The following NFYB variants were observed in gnomAD, a reference collection of about 807,000 sequenced individuals.
NFYB encodes nuclear transcription factor Y subunit beta.
In NFYB, 13 loss-of-function variants were observed where a neutral mutation model predicts 28.0. The ratio of observed to expected loss-of-function variants is 0.46; its 90% confidence interval spans 0.30 to 0.74. NFYB has a LOEUF of 0.74. Among genes scored for constraint, NFYB ranks in the 30% least tolerant of loss-of-function variants. The pLI is 0.07. For synonymous variants in NFYB, 74 were observed against 75.0 expected (o/e 0.99, Z 0.07); for missense variants, 142 against 247.6 (o/e 0.57, Z 2.86).
At chr12:104,125,713 T>C (rs891353801) in intron 4 of NFYB, among the ~76,000 whole-genome samples, 1 of 150,540 alleles carries the variant, frequency 6.6e-6, no homozygotes, top group Admixed American at 6.6e-5. Context: ...CTGGGCATGG[T>C]GGTGCACGCC....
rs554107926 is a variant in NFYB at position 104,117,204 on chromosome 12, G to C, written c.*2533C>G. 6.6e-6 allele frequency: 1 copy of C among 152,248 alleles called. No homozygotes were observed. The highest frequency in any genetic ancestry group is 2.1e-4 in the South Asian group (1 of 4,822). The allele number at this position is 152,248 out of a possible 1,614,324, so 9.4% of individuals were successfully genotyped here. ...TGGGCCAAGGAAGACAGAGACCCCA[G>C]CTCTGACAAGCATAAATTAGGATAT... On this transcript the variant is annotated 3_prime_UTR_variant, in exon 8 of 8. Transcript: ENST00000240055.
chr12:104,118,047 G>A lies in NFYB; in HGVS notation c.*1690C>T, dbSNP rs2030327508. The A allele has an allele frequency of 6.6e-6, 1 of 152,116 alleles. No homozygotes were observed. Among genetic ancestry groups the A allele is most frequent in the East Asian group, 1.9e-4 (1 of 5,198 alleles). 9.4% of individuals were successfully genotyped at this position (152,116 alleles called of 1,614,324 possible). ...AAATGAATTATGATTGAGTCATACA[G>A]CAGAATAATAAACCAATAAAAATGA... On this transcript the variant is annotated 3_prime_UTR_variant, in exon 8 of 8. Coordinates refer to ENST00000240055, the MANE Select transcript of NFYB (RefSeq NM_006166.4).
At chr12:104,133,486 G>A (rs370445366) in intron 2 of NFYB, among the ~76,000 whole-genome samples, 9 of 152,304 alleles carry the variant, frequency 5.9e-5, no homozygotes, top group Middle Eastern at 3.4e-3. Flanking sequence ...GACCGATTTC[G>A]TGGGTTTGAA....
rs1352673948 is a variant in NFYB at position 104,117,403 on chromosome 12, A to C, written c.*2334T>G. 1.3e-5 allele frequency: 2 copies of C among 152,158 alleles called. No individual in the cohort carries two copies. The highest frequency in any genetic ancestry group is 2.4e-5 in the African/African-American group (1 of 41,438). The allele number at this position is 152,158 out of a possible 1,614,324, so 9.4% of individuals were successfully genotyped here. On this transcript the variant is annotated 3_prime_UTR_variant, in exon 8 of 8. Coordinates refer to ENST00000240055, the MANE Select transcript of NFYB (RefSeq NM_006166.4). ...TTGTTGTAGTATATACTAATTTAAA[A>C]TTTACTCAAATTCCTGTTTGTTTGA...
At chr12:104,121,530 G>C (rs2030475687) in intron 5 of NFYB, among the ~76,000 whole-genome samples, 1 of 152,144 alleles carries the variant, frequency 6.6e-6, no homozygotes, top group African/African-American at 2.4e-5. Context: ...GACAGAGTTA[G>C]TAATGACCTA....
rs778593320 is a variant in NFYB, at chr12:104,126,088, CT to C, written c.231+25del. ...AGTTTCGTGTTTCCCTTGAAAAAAC[CT>C]AGTTAAATTTCTCCTCTACGTTACC... On this transcript the variant is annotated intron_variant, in intron 4 of 7. Coordinates refer to ENST00000240055, the MANE Select transcript of NFYB (RefSeq NM_006166.4). 1.5e-5 allele frequency: 23 copies of C among 1,546,746 alleles called. No individual in the cohort carries two copies. In the Admixed American group the frequency reaches 2.3e-4, roughly 16 times the overall value.
In NFYB at chr12:104,123,302, A is replaced by G; in HGVS notation, c.353T>C (p.Ile118Thr). Residue 118 changes from isoleucine to threonine, a missense_variant, in exon 5 of 8, where the codon ATT (isoleucine) becomes ACT (threonine). Physicochemically the swap from Ile to Thr is moderately conservative, Grantham distance 89. Transcript: ENST00000240055. ...EKRKTINGEDILFAMSTLGFD... is the reference protein window; with the variant it reads ...EKRKTINGEDTLFAMSTLGFD... ...GCCTAAAGTAGACATAGCAAAGAGA[A>G]TATCTTCTCCATTGATTGTTTTCCG... The G allele has an allele frequency of 2.5e-6, 4 of 1,614,134 alleles. No individual in the cohort carries two copies. Among genetic ancestry groups the G allele is most frequent in the Non-Finnish European group, 3.4e-6 (4 of 1,179,998 alleles).
intron 5 of NFYB, 67 bp downstream of exon 5, chr12:104,123,159 G>A (rs2030544498): frequency 1.6e-6 from 2 of 1,239,944 alleles, no homozygotes; most frequent in African/African-American, 1.5e-5. Context: ...CTGGGCAACA[G>A]AGCGATACTC....
Position 104,118,889 on chromosome 12 carries a change from C to T in NFYB, c.*848G>A, listed in dbSNP as rs2030361486. 6.6e-6 allele frequency: 1 copy of T among 152,074 alleles called. No individual in the cohort carries two copies. The highest frequency in any genetic ancestry group is 2.4e-5 in the African/African-American group (1 of 41,394). 9.4% of individuals were successfully genotyped at this position (152,074 alleles called of 1,614,324 possible). A position where few individuals can be genotyped will look rare whatever the true frequency, so the allele number is the denominator to read the frequency against. ...ACCATCAGACTATAAAACTCCTCTT[C>T]TGTAAGAGAATACTATAGTACTTGA... On this transcript the variant is annotated 3_prime_UTR_variant, in exon 8 of 8. Coordinates refer to ENST00000240055, the MANE Select transcript of NFYB (RefSeq NM_006166.4).
At chr12:104,122,466 C>T (rs2030514352) in intron 5 of NFYB, among the ~76,000 whole-genome samples, 1 of 152,220 alleles carries the variant, frequency 6.6e-6, no homozygotes, top group Non-Finnish European at 1.5e-5. Context: ...TGTTAAGAAC[C>T]CAGCCACACA....
intron 4 of NFYB, among the ~76,000 whole-genome samples, chr12:104,125,868 A>C (rs1018522660): frequency 3.3e-5 from 5 of 151,828 alleles, no homozygotes; most frequent in Admixed American, 1.3e-4. Context: ...AAAAAAAAAA[A>C]AAAAACAGTC....
intron 2 of NFYB, 106 bp from the exon 3 acceptor site, chr12:104,128,623 A>G: frequency 1.5e-6 from 1 of 671,474 alleles, no homozygotes; most frequent in East Asian, 2.7e-5. Flanking sequence ...TATACTTTTC[A>G]TAGCCTTAAG....
rs540917313 is a variant in NFYB at position 104,128,789 on chromosome 12, C to T, written c.7-272G>A. Among the ~76,000 whole-genome samples the T allele has an allele frequency of 2.0e-3, 310 of 152,260 alleles. 3 individuals carry two copies. The highest frequency in any genetic ancestry group is 0.013 in the South Asian group (62 of 4,826). ...TGAAGCAATCCTCCCACCTCAGCCT[C>T]CTGAGTAGCTGGACTACAGGCATGC... On this transcript the variant is annotated intron_variant, in intron 2 of 7. Transcript: ENST00000240055.
At chr12:104,133,793 AT>A (rs1276607157) in intron 2 of NFYB, among the ~76,000 whole-genome samples, 2 of 152,084 alleles carry the variant, frequency 1.3e-5, no homozygotes, top group African/African-American at 2.4e-5. Context: ...TGTATCTTCA[AT>A]CCTCCTTACC....
intron 2 of NFYB, among the ~76,000 whole-genome samples, chr12:104,133,028 A>C (rs2030980409): frequency 1.3e-5 from 2 of 152,216 alleles, no homozygotes; most frequent in South Asian, 4.1e-4. Context: ...TGAAAATATT[A>C]TTTGAAATAA....
Position 104,128,447 on chromosome 12 carries a change from T to C in NFYB, c.77A>G (p.His26Arg), listed in dbSNP as rs1565825776. The change falls in exon 3 of 8, where the codon CAT (histidine) becomes CGT (arginine). Residue 26 changes from histidine to arginine, a missense_variant. His to Arg is a conservative substitution (Grantham distance 29, BLOSUM62 0). Around this residue, in one of 2 missense-constraint regions of NFYB, gnomAD observed 54 missense variants for 58.1 expected, o/e 0.93. Transcript: ENST00000240055. ...GISADYIGGS[H>R]YVIQPHDDTE... ...ACCATCATGAGGCTGTATAACATAA[T>C]GACTTCCTCCAATATAGTCTGCAGA... The C allele has an allele frequency of 1.5e-5, 24 of 1,611,498 alleles. No homozygotes were observed. Among genetic ancestry groups the C allele is most frequent in the Non-Finnish European group, 2.0e-5 (24 of 1,178,408 alleles).
intron 2 of NFYB, chr12:104,131,949 T>C (rs2030940795): frequency 5.7e-6 from 2 of 352,436 alleles, no homozygotes; most frequent in Non-Finnish European, 1.1e-5. Flanking sequence ...CATGAGACCG[T>C]GAACAAACTG....
intron 3 of NFYB, 123 bp downstream of exon 3, chr12:104,128,301 C>T (rs2030795480): frequency 1.8e-6 from 1 of 563,512 alleles, no homozygotes; most frequent in Non-Finnish European, 3.1e-6. Context: ...CTCATTGAAC[C>T]GTAACACAAG....
At position 104,117,290 on chromosome 12, in the gene NFYB, A is replaced by G. The variant is rs1194570417; in HGVS notation, c.*2447T>C. ...TCCCATCAGAGTATGAAGTCCAACAATGAAGTCAATACATAAAAAAGGTGA... is the reference window on the plus strand; with the variant it reads ...TCCCATCAGAGTATGAAGTCCAACAGTGAAGTCAATACATAAAAAAGGTGA... On this transcript the variant is annotated 3_prime_UTR_variant, in exon 8 of 8. Transcript: ENST00000240055. The G allele has an allele frequency of 6.6e-6, 1 of 152,182 alleles. No individual in the cohort carries two copies. 9.4% of individuals were successfully genotyped at this position (152,182 alleles called of 1,614,324 possible).
Sources: gnomAD v4.1 joint callset for allele counts (sites outside exome capture counted in the v4.1 genomes callset) on GRCh38, gnomAD v4.1.1 for gene constraint, gnomAD v4.1.1 regional missense constraint, MANE v1.5 for transcripts, NCBI Gene and HGNC (gene_info 2026-07-23, HGNC 2026-07-21) for gene names.